The following TPRA1 variants were observed in gnomAD, a reference collection of about 807,000 sequenced individuals.
TPRA1 encodes the protein transmembrane protein adipocyte associated 1, also known as transmembrane protein adipocyte-associated 1.
A neutral mutation model predicts 40.1 loss-of-function variants in TPRA1; 28 were observed. That is an observed-to-expected ratio of 0.70 (90% CI 0.52 to 0.96). TPRA1 has a LOEUF of 0.96. Among genes scored for constraint, TPRA1 ranks in the 40% least tolerant of loss-of-function variants. TPRA1 has a pLI of 0.00. For synonymous variants in TPRA1, 219 were observed against 209.7 expected, an observed-to-expected ratio of 1.04 and a Z score of -0.38; for missense variants, 441 against 482.6, an observed-to-expected ratio of 0.91 and a Z score of 0.81.
At chr3:127,583,150 A>C (rs1202593193) in intron 1 of TPRA1, among the ~76,000 whole-genome samples, 1 of 151,510 alleles carries the variant, frequency 6.6e-6, no homozygotes, top group Non-Finnish European at 1.5e-5. Context: ...CGTCTCAAAA[A>C]AAAAAAAAAA....
chr3:127,580,349 GC>G, intron 1 of TPRA1, 186 bp from the exon 2 acceptor site: 1 of 619,910 alleles, frequency 1.6e-6, no homozygotes, highest in Non-Finnish European at 2.7e-6. Context: ...CCAGGCAGGG[GC>G]CCAGTCCCCC....
chr3:127,597,008 C>T (rs1031015747), intron 1 of TPRA1, among the ~76,000 whole-genome samples: 9 of 151,912 alleles, frequency 5.9e-5, no homozygotes, highest in Non-Finnish European at 7.4e-5. Flanking sequence ...CCCAGCTACT[C>T]GGGAGGCTAA....
upstream of TPRA1, chr3:127,591,130 C>T (rs1456974458): frequency 6.6e-6 from 1 of 152,164 alleles, no homozygotes; most frequent in Non-Finnish European, 1.5e-5. Context: ...GGACCGCCCC[C>T]TCGCGTGCGG....
Position 127,579,773 on chromosome 3 carries a change from G to A in TPRA1, c.225C>T (p.Thr75=). Residue 75 remains threonine (T), a synonymous_variant, in exon 3 of 11, where the codon ACC becomes ACT. Coordinates refer to ENST00000355552, the MANE Select transcript of TPRA1 (RefSeq NM_001136053.4). The part of the protein sequence containing the change: ...LPSARAKIRI[T]SSPIFITFYI... ...AGAAGGTGATAAAAATGGGGCTGGA[G>A]GTGATGCGGATCTTCGCCCGAGCAG... 6.2e-7 allele frequency: 1 copy of A among 1,614,194 alleles called. No homozygotes were observed. The highest frequency in any genetic ancestry group is 8.5e-7 in the Non-Finnish European group (1 of 1,180,034).
At chr3:127,581,262 T>C (rs1026890499) in intron 1 of TPRA1, among the ~76,000 whole-genome samples, 2 of 152,220 alleles carry the variant, frequency 1.3e-5, no homozygotes, top group Non-Finnish European at 2.9e-5. Flanking sequence ...AGGCTGTGGA[T>C]GACAGCCCCA....
At chr3:127,592,373 T>TTTTG (rs1559855679), upstream of TPRA1, among the ~76,000 whole-genome samples, 3 of 129,728 alleles carry the variant, frequency 2.3e-5, no homozygotes, top group Non-Finnish European at 3.4e-5. Context: ...TGCTGTTTTT[T>TTTTG]TTTTTTTTTT....
chr3:127,575,374 G>A (rs1484401112), intron 9 of TPRA1, 29 bp downstream of exon 9: 42 of 1,571,738 alleles, frequency 2.7e-5, no homozygotes, highest in Non-Finnish European at 3.6e-5. Context: ...ATGCCCCCAC[G>A]AGGCAGACAC....
Position 127,577,028 on chromosome 3 carries a change from T to A in TPRA1, c.307A>T (p.Thr103Ser), listed in dbSNP as rs1232506134. ...GTTGCAGCGTTCGAGGTGCTCACCGTCATGGATACCACGGCCCGGGCAATG... is the reference window on the plus strand; with the variant it reads ...GTTGCAGCGTTCGAGGTGCTCACCGACATGGATACCACGGCCCGGGCAATG... ...VGIARAVVSMTVSTSNAATVA... is the reference protein window; with the variant it reads ...VGIARAVVSMSVSTSNAATVA... The change falls in exon 4 of 11, where the codon ACG (threonine) becomes TCG (serine). Residue 103 changes from threonine (T) to serine (S), a missense_variant. Physicochemically the swap from Thr to Ser is moderately conservative, Grantham distance 58 (BLOSUM62 1). Coordinates refer to ENST00000355552, the MANE Select transcript of TPRA1 (RefSeq NM_001136053.4). 1 of 1,613,580 alleles carries A rather than the reference T, an allele frequency of 6.2e-7. No homozygotes were observed. The highest frequency in any genetic ancestry group is 1.7e-5 in the Admixed American group (1 of 59,998).
chr3:127,580,228 C>A, intron 1 of TPRA1, 65 bp from the exon 2 acceptor site: 1 of 1,533,040 alleles, frequency 6.5e-7, no homozygotes, highest in South Asian at 1.2e-5. Context: ...TCCCCTGGAC[C>A]TGGGACTCCC....
intron 1 of TPRA1, among the ~76,000 whole-genome samples, chr3:127,588,690 C>G (rs931158337): frequency 1.3e-5 from 2 of 152,044 alleles, no homozygotes; most frequent in African/African-American, 4.8e-5. Flanking sequence ...CAAAGTGCTA[C>G]GATTACAGGC....
At chr3:127,575,677 A>C (rs574176321) in intron 8 of TPRA1, 72 bp downstream of exon 8, 20 of 1,569,216 alleles carry the variant, frequency 1.3e-5, no homozygotes, top group Non-Finnish European at 1.5e-5. Context: ...GCTCCCAGCT[A>C]CCAGCTCTAC....
chr3:127,584,686 T>A (rs1375931102), intron 1 of TPRA1, among the ~76,000 whole-genome samples: 2 of 152,244 alleles, frequency 1.3e-5, no homozygotes, highest in Non-Finnish European at 2.9e-5. Flanking sequence ...GCCATGTGGC[T>A]GAGTTTTATC....
At chr3:127,586,027 T>C (rs2073989794) in intron 1 of TPRA1, among the ~76,000 whole-genome samples, 2 of 152,222 alleles carry the variant, frequency 1.3e-5, no homozygotes, top group Admixed American at 6.5e-5. Context: ...TAGCATGCCC[T>C]GCAGAGTGGC....
intron 1 of TPRA1, among the ~76,000 whole-genome samples, chr3:127,589,393 A>G (rs1009508429): frequency 1.3e-5 from 2 of 151,232 alleles, no homozygotes; most frequent in Non-Finnish European, 3.0e-5. Flanking sequence ...CGGGTTGTTG[A>G]GCTTACAAAC....
intron 3 of TPRA1, among the ~76,000 whole-genome samples, chr3:127,578,097 A>C (rs541285121): frequency 6.9e-6 from 1 of 144,768 alleles, no homozygotes; most frequent in South Asian, 2.3e-4. Context: ...GGAACTGCCC[A>C]GTTTCTCAGT....
upstream of TPRA1, among the ~76,000 whole-genome samples, chr3:127,593,799 C>T (rs1228529552): frequency 1.3e-5 from 2 of 152,336 alleles, no homozygotes; most frequent in African/African-American, 2.4e-5. Flanking sequence ...ATTGCTAGCA[C>T]AGACAGATCA....
At chr3:127,575,110 A>G in intron 10 of TPRA1, 75 bp downstream of exon 10, 1 of 1,522,864 alleles carries the variant, frequency 6.6e-7, no homozygotes, top group Non-Finnish European at 9.0e-7. Flanking sequence ...CTCAGCTTCA[A>G]TCCTCACACC....
At position 127,577,099 on chromosome 3, in the gene TPRA1, G is replaced by A. The variant is rs1455024408; in HGVS notation, c.259-23C>T. 2.5e-6 allele frequency: 4 copies of A among 1,611,858 alleles called. No individual in the cohort carries two copies. The South Asian group carries it at 4.4e-5, about 18-fold the overall frequency. On this transcript the variant is annotated intron_variant, in intron 3 of 10. Transcript: ENST00000355552. ...CACCTGGTGGGCAAGGGAGTGGTGT[G>A]GCAGTCAGGGAACAAGAGCCTCTGC... is the stretch of plus-strand genomic sequence containing the variant.
chr3:127,572,332 G>A lies in TPRA1; in HGVS notation c.*1189C>T, dbSNP rs1273180877. Among the ~76,000 whole-genome samples, 2 of 152,240 alleles carry A rather than the reference G, an allele frequency of 1.3e-5. No homozygotes were observed. The highest frequency in any genetic ancestry group is 6.5e-5 in the Admixed American group (1 of 15,292). The stretch of plus-strand genomic sequence containing the variant: ...CAGGCTCTGAAGCATGCAGTTGGCT[G>A]TGTCCTGGATGGGCTCCTCCTCTCC... On this transcript the variant is annotated 3_prime_UTR_variant, in exon 11 of 11. Coordinates refer to ENST00000355552, the MANE Select transcript of TPRA1 (RefSeq NM_001136053.4).
Sources: allele counts gnomAD v4.1 joint callset (sites outside exome capture counted in the v4.1 genomes callset), GRCh38; gene constraint gnomAD v4.1.1; transcripts MANE v1.5; gene names NCBI Gene and HGNC (gene_info 2026-07-23, HGNC 2026-07-21).